The following SORCS1 variants were observed in gnomAD, a reference collection of about 807,000 sequenced individuals.
SORCS1 encodes VPS10 domain-containing receptor SorCS1.
Under a neutral mutation model 146.1 loss-of-function variants are expected in SORCS1, and 60 were observed. That is an observed-to-expected ratio of 0.41 (90% CI 0.33 to 0.51). The LOEUF is 0.51. SORCS1 is among the 20% of genes least tolerant of loss of function. The pLI is 0.21. For synonymous variants in SORCS1, 637 were observed against 584.0 expected, an observed-to-expected ratio of 1.09 and a Z score of -1.31; for missense variants, 1,352 against 1,487.6, an observed-to-expected ratio of 0.91 and a Z score of 1.50.
chr10:106,663,669 C>A (rs528484058), intron 17 of SORCS1, among the ~76,000 whole-genome samples: 3 of 152,246 alleles, frequency 2.0e-5, no homozygotes, highest in African/African-American at 7.2e-5. Flanking sequence ...CCATCTTTTC[C>A]AAGTTCACCA....
chr10:106,640,364 T>C (rs1285260130), intron 18 of SORCS1, among the ~76,000 whole-genome samples: 1 of 152,232 alleles, frequency 6.6e-6, no homozygotes, highest in African/African-American at 2.4e-5. Context: ...ACAAAAGTGA[T>C]AATCATGAAT....
chr10:106,744,839 G>A (rs1385573965), intron 5 of SORCS1, among the ~76,000 whole-genome samples: 1 of 152,024 alleles, frequency 6.6e-6, no homozygotes, highest in East Asian at 1.9e-4. Context: ...CTTCCTTTTG[G>A]AAAAGATGTG....
At chr10:106,893,222 G>C (rs1294229259) in intron 2 of SORCS1, among the ~76,000 whole-genome samples, 1 of 151,970 alleles carries the variant, frequency 6.6e-6, no homozygotes, top group Non-Finnish European at 1.5e-5. Flanking sequence ...TTTATCAATT[G>C]CCATTCCCCT....
At chr10:107,092,177 G>C (rs543708792) in intron 1 of SORCS1, among the ~76,000 whole-genome samples, 1 of 152,194 alleles carries the variant, frequency 6.6e-6, no homozygotes, top group Non-Finnish European at 1.5e-5. Flanking sequence ...CAGAAGGATT[G>C]GAAGCCATAC....
chr10:106,797,018 A>T (rs1384771017), intron 3 of SORCS1, among the ~76,000 whole-genome samples: 4 of 151,980 alleles, frequency 2.6e-5, no homozygotes, highest in African/African-American at 9.7e-5. Context: ...GAGGCAGGAG[A>T]CTCGCTTGAA....
At chr10:106,777,149 C>T (rs1860502008) in intron 3 of SORCS1, among the ~76,000 whole-genome samples, 1 of 152,112 alleles carries the variant, frequency 6.6e-6, no homozygotes, top group South Asian at 2.1e-4. Context: ...TCTTTTCATT[C>T]CACTTCAATG....
At position 107,160,989 on chromosome 10, in the gene SORCS1, G is replaced by T. The variant is rs577301722; in HGVS notation, c.558+2980C>A. ...GCTCATGACAAATGATTCATACCCA[G>T]CACCTTTCATGCCAGAAGATCCCCC... On this transcript the variant is annotated intron_variant, in intron 1 of 25. Transcript: ENST00000263054. 1.5e-3 allele frequency among the ~76,000 whole-genome samples: 225 copies of T among 152,246 alleles called. 3 individuals carry two copies. Among genetic ancestry groups the T allele is most frequent in the Middle Eastern group, 6.8e-3 (2 of 294 alleles).
At chr10:106,932,340 CCT>C (rs1474596478) in intron 2 of SORCS1, among the ~76,000 whole-genome samples, 14 of 152,100 alleles carry the variant, frequency 9.2e-5, no homozygotes, top group Admixed American at 8.5e-4. Flanking sequence ...TGATTGCTCC[CCT>C]GATACCATGC....
chr10:106,891,516 T>TTTTTTTTTTTTTTTTTTTTTTTTTC (rs1951235469), intron 2 of SORCS1, among the ~76,000 whole-genome samples: 1 of 149,356 alleles, frequency 6.7e-6, no homozygotes, highest in Admixed American at 6.7e-5. Context: ...TTTTTTTTTT[T>TTTTTTTTTTTTTTTTTTTTTTTTTC]TGAGAAAAGA....
chr10:106,644,203 A>G (rs1849258388), intron 18 of SORCS1, among the ~76,000 whole-genome samples: 1 of 152,216 alleles, frequency 6.6e-6, no homozygotes, highest in South Asian at 2.1e-4. Flanking sequence ...TTAAAAATGT[A>G]CAAATCACTA....
chr10:107,072,939 A>G (rs1048426877), intron 1 of SORCS1, among the ~76,000 whole-genome samples: 2 of 152,142 alleles, frequency 1.3e-5, no homozygotes, highest in African/African-American at 4.8e-5. Context: ...ATATTCAATG[A>G]CACTGATACA....
intron 24 of SORCS1, among the ~76,000 whole-genome samples, chr10:106,593,180 C>T (rs1486746760): frequency 6.6e-6 from 1 of 151,588 alleles, no homozygotes; most frequent in Non-Finnish European, 1.5e-5. Flanking sequence ...CTCGGCCCAC[C>T]GATACCCTAC....
intron 2 of SORCS1, among the ~76,000 whole-genome samples, chr10:106,911,432 T>G: frequency 6.6e-6 from 1 of 152,024 alleles, no homozygotes; most frequent in Non-Finnish European, 1.5e-5. Context: ...CAAATGTCCT[T>G]TTCTTCTCCT....
In SORCS1 at chr10:107,037,435, A is replaced by G. The variant is rs1310364506; in HGVS notation, c.559-80855T>C. Among the ~76,000 whole-genome samples the G allele has an allele frequency of 2.6e-5, 4 of 152,348 alleles. No individual in the cohort carries two copies. In the East Asian group the frequency reaches 7.7e-4, roughly 29 times the overall value. On this transcript the variant is annotated intron_variant, in intron 1 of 25. Coordinates refer to ENST00000263054, the MANE Select transcript of SORCS1 (RefSeq NM_052918.5). Reference sequence around the variant, plus strand: ...CATTTCAGAACTGCATACAGCCCTGATAGCTTAATAAGAATCAAACAACCA... The same window carrying G: ...CATTTCAGAACTGCATACAGCCCTGGTAGCTTAATAAGAATCAAACAACCA...
At chr10:106,770,192 T>C (rs1056808067) in intron 4 of SORCS1, among the ~76,000 whole-genome samples, 2 of 152,202 alleles carry the variant, frequency 1.3e-5, no homozygotes, top group Admixed American at 6.5e-5. Context: ...ATCTGACACA[T>C]ATGTACCAAA....
At position 106,796,738 on chromosome 10, in the gene SORCS1, T is replaced by C. The variant is rs1201199588; in HGVS notation, c.727-20046A>G. ...ATGGATCTGAAATTGGTTCCCTGGATCCTAACCAAATTTAATTTGTCTAAT... is the reference window on the plus strand; with the variant it reads ...ATGGATCTGAAATTGGTTCCCTGGACCCTAACCAAATTTAATTTGTCTAAT... On this transcript the variant is annotated intron_variant, in intron 3 of 25. Coordinates refer to ENST00000263054, the MANE Select transcript of SORCS1 (RefSeq NM_052918.5). Among the ~76,000 whole-genome samples the C allele has an allele frequency of 2.6e-5, 4 of 152,176 alleles. No individual in the cohort carries two copies. In the East Asian group the frequency reaches 7.7e-4, roughly 29 times the overall value.
upstream of SORCS1, among the ~76,000 whole-genome samples, chr10:107,168,207 C>T (rs10884425): frequency 0.22 from 32,841 of 151,998 alleles, 3,607 homozygotes; most frequent in African/African-American, 0.23. Context: ...CTGCCTAGAA[C>T]GTCCACCGTC....
chr10:107,033,569 G>C (rs990161885), intron 1 of SORCS1, among the ~76,000 whole-genome samples: 4 of 152,160 alleles, frequency 2.6e-5, no homozygotes, highest in Non-Finnish European at 5.9e-5. Flanking sequence ...TCATCTAAAA[G>C]TAAACACCAA....
chr10:107,064,670 C>T (rs1374107746), intron 1 of SORCS1, among the ~76,000 whole-genome samples: 1 of 152,294 alleles, frequency 6.6e-6, no homozygotes, highest in African/African-American at 2.4e-5. Context: ...TCCTTCTCCT[C>T]TCTTGCAGAC....
Sources: gnomAD v4.1 joint callset for allele counts (sites outside exome capture counted in the v4.1 genomes callset) on GRCh38, gnomAD v4.1.1 for gene constraint, MANE v1.5 for transcripts, NCBI Gene and HGNC (gene_info 2026-07-23, HGNC 2026-07-21) for gene names.